The following FAR2 variants were observed in gnomAD, a reference collection of about 807,000 sequenced individuals.
FAR2 encodes the protein fatty acyl-CoA reductase 2, also known as epididymis secretory protein Li 81.
Under a neutral mutation model 56.0 loss-of-function variants are expected in FAR2, and 19 were observed. The observed-to-expected ratio is 0.34, with a 90% confidence interval of 0.24 to 0.50. The LOEUF is 0.50. Ranked by LOEUF, FAR2 falls within the 20% of genes least tolerant of loss-of-function variation. FAR2 has a pLI of 0.98. For synonymous variants in FAR2, 219 were observed against 218.8 expected (o/e 1.00, Z -0.01); for missense variants, 508 against 642.2 (o/e 0.79, Z 2.26).
At chr12:29,198,808 C>T (rs992291982) in intron 1 of FAR2, among the ~76,000 whole-genome samples, 14 of 152,076 alleles carry the variant, frequency 9.2e-5, no homozygotes, top group Non-Finnish European at 2.1e-4. Context: ...CTTTCCTATG[C>T]CCCCTCATCG....
intron 1 of FAR2, among the ~76,000 whole-genome samples, chr12:29,213,034 A>T (rs2136630546): frequency 1.3e-5 from 2 of 152,278 alleles, no homozygotes; most frequent in East Asian, 3.9e-4. Flanking sequence ...TCTAAAAATT[A>T]CAATAGCATA....
intron 2 of FAR2, among the ~76,000 whole-genome samples, chr12:29,285,091 T>G (rs1309210553): frequency 6.6e-6 from 1 of 152,180 alleles, no homozygotes; most frequent in Non-Finnish European, 1.5e-5. Flanking sequence ...TCTGCCTGCC[T>G]CTGCCTCCCA....
At chr12:29,271,896 A>G (rs919158332) in intron 2 of FAR2, among the ~76,000 whole-genome samples, 1 of 152,178 alleles carries the variant, frequency 6.6e-6, no homozygotes, top group African/African-American at 2.4e-5. Context: ...TTAACTTACC[A>G]AAGGTCTTCT....
intron 2 of FAR2, among the ~76,000 whole-genome samples, chr12:29,288,725 T>A (rs1314816423): frequency 6.6e-6 from 1 of 152,164 alleles, no homozygotes; most frequent in African/African-American, 2.4e-5. Flanking sequence ...CGTTTAGCAG[T>A]CGCTATCTGC....
At position 29,246,668 on chromosome 12, in the gene FAR2, T is replaced by C. The variant is rs1035924747; in HGVS notation, c.-38-23744T>C. On this transcript the variant is annotated intron_variant, in intron 1 of 11. Coordinates refer to ENST00000536681, the MANE Select transcript of FAR2 (RefSeq NM_001271783.2). ...GTAGACCATAAAACAGCAGACTTAA[T>C]AATATGAAAAAATTAAATTCTTGTA... 3.1e-5 allele frequency among the ~76,000 whole-genome samples: 4 copies of C among 128,812 alleles called. No homozygotes were observed. In the South Asian group the frequency reaches 9.4e-4, roughly 30 times the overall value. The allele number at this position is 128,812 out of a possible 152,430, so 84.5% of individuals were successfully genotyped here. A position where few individuals can be genotyped will look rare whatever the true frequency, so the allele number is the denominator to read the frequency against.
At chr12:29,324,088 C>T (rs1213115962) in intron 10 of FAR2, among the ~76,000 whole-genome samples, 1 of 152,190 alleles carries the variant, frequency 6.6e-6, no homozygotes, top group African/African-American at 2.4e-5. Flanking sequence ...GGCTCGAGAA[C>T]TACGTGACGA....
chr12:29,191,084 G>T (rs1428237687), intron 1 of FAR2, among the ~76,000 whole-genome samples: 1 of 152,164 alleles, frequency 6.6e-6, no homozygotes, highest in Non-Finnish European at 1.5e-5. Context: ...GCTAGCTCTG[G>T]GAGTAGGCAG....
intron 9 of FAR2, among the ~76,000 whole-genome samples, chr12:29,319,317 C>T (rs1472536923): frequency 1.3e-5 from 2 of 152,088 alleles, no homozygotes; most frequent in Admixed American, 1.3e-4. Context: ...TATGTCTTAC[C>T]CTCTTAATGG....
intron 1 of FAR2, among the ~76,000 whole-genome samples, chr12:29,221,486 T>C (rs780208992): frequency 1.3e-5 from 2 of 152,210 alleles, no homozygotes; most frequent in Admixed American, 6.5e-5. Context: ...TTGTTTTCAA[T>C]TGGAAAATGC....
At chr12:29,244,985 CTT>C (rs529685886) in intron 1 of FAR2, among the ~76,000 whole-genome samples, 4 of 145,348 alleles carry the variant, frequency 2.8e-5, no homozygotes, top group Non-Finnish European at 6.1e-5. Context: ...TCTGTCCGCA[CTT>C]TTTTTTTTTT....
intron 1 of FAR2, among the ~76,000 whole-genome samples, chr12:29,262,396 C>A (rs1417893678): frequency 6.6e-6 from 1 of 151,938 alleles, no homozygotes; most frequent in Non-Finnish European, 1.5e-5. Flanking sequence ...TTTGAGAGAC[C>A]CAGGCAGGCA....
At chr12:29,294,268 A>G (rs1478344794) in intron 3 of FAR2, among the ~76,000 whole-genome samples, 3 of 152,124 alleles carry the variant, frequency 2.0e-5, no homozygotes, top group African/African-American at 4.8e-5. Context: ...TGAAATGCCT[A>G]TTGATGTTCT....
chr12:29,190,322 G>GA (rs34089199), intron 1 of FAR2, among the ~76,000 whole-genome samples: 143,137 of 146,756 alleles, frequency 0.98, 69,879 homozygotes, highest in South Asian at 1. Flanking sequence ...AGTGATGACA[G>GA]AAAAAAAAAA....
At chr12:29,324,055 G>A (rs1339068436) in intron 10 of FAR2, among the ~76,000 whole-genome samples, 1 of 152,204 alleles carries the variant, frequency 6.6e-6, no homozygotes, top group Non-Finnish European at 1.5e-5. Flanking sequence ...GTCCTTAAAG[G>A]AGCTGATGGA....
intron 10 of FAR2, among the ~76,000 whole-genome samples, chr12:29,322,866 T>C (rs1949575447): frequency 1.3e-5 from 2 of 152,220 alleles, no homozygotes; most frequent in Admixed American, 6.5e-5. Flanking sequence ...GGGAATTCCC[T>C]GACCCCTTGC....
chr12:29,246,109 C>T (rs1948124043), intron 1 of FAR2, among the ~76,000 whole-genome samples: 1 of 151,610 alleles, frequency 6.6e-6, no homozygotes, highest in Non-Finnish European at 1.5e-5. Flanking sequence ...ATCAAATTTT[C>T]CTTTTTACTA....
intron 1 of FAR2, among the ~76,000 whole-genome samples, chr12:29,257,381 G>A (rs1180936837): frequency 4.6e-5 from 7 of 152,138 alleles, no homozygotes; most frequent in East Asian, 1.9e-4. Context: ...ACCAATCAGC[G>A]CCCTGTCAAA....
chr12:29,250,691 T>G (rs2136676064), intron 1 of FAR2, among the ~76,000 whole-genome samples: 1 of 152,310 alleles, frequency 6.6e-6, no homozygotes, highest in Middle Eastern at 3.4e-3. Context: ...TATTTTACAT[T>G]TAGCTGCCAA....
At chr12:29,303,670 C>T (rs2136774231) in intron 4 of FAR2, among the ~76,000 whole-genome samples, 1 of 152,080 alleles carries the variant, frequency 6.6e-6, no homozygotes, top group African/African-American at 2.4e-5. Context: ...GTCTTTTTTG[C>T]CTTCGTGCTA....
Sources: gnomAD v4.1 joint callset for allele counts (sites outside exome capture counted in the v4.1 genomes callset) on GRCh38, gnomAD v4.1.1 for gene constraint, MANE v1.5 for transcripts, NCBI Gene and HGNC (gene_info 2026-07-23, HGNC 2026-07-21) for gene names.